The following MXRA7 variants were observed in gnomAD, a reference collection of about 807,000 sequenced individuals.
The protein encoded by MXRA7 is matrix-remodeling-associated protein 7.
Under a neutral mutation model 17.4 loss-of-function variants are expected in MXRA7, and 18 were observed. The observed-to-expected ratio is 1.03, with a 90% CI of 0.71 to 1.53. The LOEUF (loss-of-function observed/expected upper bound fraction) is 1.53, where lower values mean the gene tolerates loss of function less well. MXRA7 is among the 40% of genes most tolerant of loss of function. MXRA7 has a pLI of 0.00. For synonymous variants in MXRA7, 70 were observed against 101.7 expected (o/e 0.69, Z 1.87); for missense variants, 141 against 209.3 (o/e 0.67, Z 2.01).
exon 4 of MXRA7, chr17:76,673,651 C>T (rs2076219182): frequency 6.6e-6 from 1 of 151,718 alleles, no homozygotes; most frequent in Non-Finnish European, 1.5e-5. Context: ...AAAACAATCT[C>T]AGAGTGATCT....
intron 1 of MXRA7, chr17:76,689,042 G>A (rs1018844044): frequency 6.1e-6 from 1 of 162,618 alleles, no homozygotes; most frequent in African/African-American, 2.4e-5. Flanking sequence ...ACCCAGAGGG[G>A]CCTTGAGCTC....
At chr17:76,687,938 A>C (rs1015004671) in intron 2 of MXRA7, among the ~76,000 whole-genome samples, 175 bp downstream of exon 2, 1 of 152,124 alleles carries the variant, frequency 6.6e-6, no homozygotes, top group African/African-American at 2.4e-5. Flanking sequence ...GGCTACAGGC[A>C]GGCCAGGGCA....
chr17:76,708,071 G>A (rs2143694499), intron 1 of MXRA7, among the ~76,000 whole-genome samples: 1 of 152,320 alleles, frequency 6.6e-6, no homozygotes, highest in South Asian at 2.1e-4. Flanking sequence ...CCATTTCCAG[G>A]GTCTCGGCCT....
At chr17:76,686,011 A>G (rs758216555) in intron 2 of MXRA7, among the ~76,000 whole-genome samples, 2 of 152,316 alleles carry the variant, frequency 1.3e-5, no homozygotes, top group Non-Finnish European at 2.9e-5. Context: ...CTCAGCTGCT[A>G]TTCTGGAAGT....
chr17:76,703,160 C>T (rs1335648397), intron 1 of MXRA7, among the ~76,000 whole-genome samples: 1 of 151,984 alleles, frequency 6.6e-6, no homozygotes. Context: ...AAATAAGAAT[C>T]AGGCCAGGAG....
rs1183014453 is a variant in MXRA7 at position 76,697,406 on chromosome 17, T to C, written c.343-9230A>G. Among the ~76,000 whole-genome samples, 4 of 152,288 alleles carry C rather than the reference T, an allele frequency of 2.6e-5. No individual in the cohort carries two copies. In the East Asian group the frequency reaches 7.7e-4, roughly 29 times the overall value. ...GTTGCTGAAGGTGCCCGGTCTGTGG[T>C]GTTTTGTTATAGCAGCCCTGGCAAA... On this transcript the variant is annotated intron_variant, in intron 1 of 3. Transcript: ENST00000449428.
intron 1 of MXRA7, among the ~76,000 whole-genome samples, chr17:76,696,507 G>T (rs1297264912): frequency 6.6e-6 from 1 of 152,022 alleles, no homozygotes; most frequent in Non-Finnish European, 1.5e-5. Flanking sequence ...GTGACAGTGG[G>T]AGACCCTGCC....
intron 1 of MXRA7, among the ~76,000 whole-genome samples, chr17:76,694,067 C>T (rs1013964139): frequency 1.8e-4 from 27 of 152,348 alleles, no homozygotes; most frequent in African/African-American, 6.0e-4. Flanking sequence ...CGGTCAAACC[C>T]TCCCCCTTCC....
chr17:76,706,437 A>G (rs111938035), intron 1 of MXRA7, among the ~76,000 whole-genome samples: 13 of 145,260 alleles, frequency 8.9e-5, no homozygotes, highest in East Asian at 8.7e-4. Flanking sequence ...AAAGGACCAC[A>G]CTGCCATCAA....
downstream of MXRA7, among the ~76,000 whole-genome samples, chr17:76,678,451 T>G (rs573501815): frequency 6.6e-6 from 1 of 152,060 alleles, no homozygotes; most frequent in Non-Finnish European, 1.5e-5. Flanking sequence ...CACAAACACC[T>G]CAGGTGGGGC....
At chr17:76,686,258 C>G (rs564163427) in intron 2 of MXRA7, among the ~76,000 whole-genome samples, 68 of 152,286 alleles carry the variant, frequency 4.5e-4, no homozygotes, top group Non-Finnish European at 7.4e-4. Context: ...GCAGGTGGAT[C>G]ACTTGAGGCC....
At chr17:76,701,535 G>A (rs2076591225) in intron 1 of MXRA7, among the ~76,000 whole-genome samples, 1 of 152,052 alleles carries the variant, frequency 6.6e-6, no homozygotes. Context: ...AGGGGGATGG[G>A]GGCGGCAGGT....
At chr17:76,675,303 G>A (rs1343069523), downstream of MXRA7, 1 of 152,072 alleles carries the variant, frequency 6.6e-6, no homozygotes, top group Non-Finnish European at 1.5e-5. Flanking sequence ...GCACCTACGG[G>A]TTTGCCCTGC....
chr17:76,702,859 A>ATACATATACGTATATATATATATACG (rs2076605894), intron 1 of MXRA7, among the ~76,000 whole-genome samples: 4 of 127,326 alleles, frequency 3.1e-5, no homozygotes, highest in Non-Finnish European at 4.9e-5. Flanking sequence ...CTTAAAATAA[A>ATACATATACGTATATATATATATACG]TATATATATA....
At chr17:76,684,076 G>T in intron 3 of MXRA7, 1 of 718,806 alleles carries the variant, frequency 1.4e-6, no homozygotes, top group Non-Finnish European at 2.5e-6. Flanking sequence ...TTCCTGCTGA[G>T]GGTCGAGAGC....
chr17:76,701,927 A>G (rs1004302906), intron 1 of MXRA7, among the ~76,000 whole-genome samples: 2 of 152,086 alleles, frequency 1.3e-5, no homozygotes, highest in Non-Finnish European at 2.9e-5. Flanking sequence ...AAGTTCCTAC[A>G]AAGAGGATTT....
At chr17:76,682,710 A>G (rs1320311217) in intron 3 of MXRA7, among the ~76,000 whole-genome samples, 1 of 152,096 alleles carries the variant, frequency 6.6e-6, no homozygotes, top group Non-Finnish European at 1.5e-5. Flanking sequence ...CGGCATGCCT[A>G]GGAGCCACAG....
At chr17:76,685,905 T>A (rs1400168526) in intron 2 of MXRA7, among the ~76,000 whole-genome samples, 3 of 152,194 alleles carry the variant, frequency 2.0e-5, no homozygotes, top group Non-Finnish European at 2.9e-5. Context: ...GAGCAACCTC[T>A]TGGTTCCTGA....
intron 1 of MXRA7, 86 bp from the exon 2 acceptor site, chr17:76,688,262 G>A (rs758318908): frequency 2.0e-5 from 32 of 1,577,190 alleles, no homozygotes; most frequent in South Asian, 6.9e-5. Context: ...GGAGACAGAG[G>A]AGGCCCTCGA....
Sources: gnomAD v4.1 joint callset for allele counts (sites outside exome capture counted in the v4.1 genomes callset) on GRCh38, gnomAD v4.1.1 for gene constraint, MANE v1.5 for transcripts, NCBI Gene and HGNC (gene_info 2026-07-23, HGNC 2026-07-21) for gene names.